Variants in GPCPD1 observed in about 807,000 individuals in gnomAD.
GPCPD1 encodes glycerophosphocholine phosphodiesterase GPCPD1.
Under a neutral mutation model 89.2 loss-of-function variants are expected in GPCPD1, and 29 were observed. The observed-to-expected ratio is 0.33, with a 90% CI of 0.24 to 0.44. GPCPD1 has a LOEUF of 0.44. Ranked by LOEUF, GPCPD1 falls within the 20% of genes least tolerant of loss-of-function variation. The probability of loss-of-function intolerance (pLI) is 1.00; values close to 1 mark genes in which losing one functional copy is unlikely to be tolerated. For missense variants in GPCPD1, 594 were observed against 808.9 expected, an observed-to-expected ratio of 0.73 and a Z score of 3.22; for synonymous variants, 258 against 266.3, an observed-to-expected ratio of 0.97 and a Z score of 0.30.
chr20:5,563,793 T>C (rs1379375213), intron 15 of GPCPD1, among the ~76,000 whole-genome samples: 2 of 152,210 alleles, frequency 1.3e-5, no homozygotes, highest in Non-Finnish European at 2.9e-5. Context: ...ATTTTAATGA[T>C]TTAGATTGTT....
At chr20:5,584,236 T>C (rs767826341) in intron 6 of GPCPD1, 45 bp downstream of exon 6, 1 of 891,622 alleles carries the variant, frequency 1.1e-6, no homozygotes, top group South Asian at 1.4e-5. Context: ...AAAGTAACAA[T>C]CTCAATCATT....
chr20:5,593,666 C>G (rs571328385), intron 3 of GPCPD1, among the ~76,000 whole-genome samples: 1 of 152,086 alleles, frequency 6.6e-6, no homozygotes. Context: ...ATAGACAGAA[C>G]GAAGTTCTGG....
At chr20:5,608,455 G>A (rs1357372325) in intron 1 of GPCPD1, among the ~76,000 whole-genome samples, 1 of 152,030 alleles carries the variant, frequency 6.6e-6, no homozygotes, top group African/African-American at 2.4e-5. Context: ...TGTTCCAAAT[G>A]CAATTCACTT....
Position 5,593,365 on chromosome 20 carries a change from G to T in GPCPD1, c.193C>A (p.Gln65Lys). ...AAGTACCCTTTGAAGTAGCGATACT[G>T]AACTGATACTCCTCTACTGAGTACA... The part of the protein sequence containing the change: ...TIVLSRGVSV[Q>K]YRYFKGYFLE... Residue 65 changes from glutamine to lysine, a missense_variant, in exon 4 of 20, where the codon CAG (glutamine) becomes AAG (lysine). By Grantham distance (53) the Gln-to-Lys change is moderately conservative. Transcript: ENST00000379019. 6.3e-7 allele frequency: 1 copy of T among 1,597,950 alleles called. No homozygotes were observed. The highest frequency in any genetic ancestry group is 1.1e-5 in the South Asian group (1 of 90,680).
At chr20:5,588,590 C>A (rs564093402) in intron 4 of GPCPD1, among the ~76,000 whole-genome samples, 9 of 148,310 alleles carry the variant, frequency 6.1e-5, no homozygotes, top group African/African-American at 2.3e-4. Context: ...TTAGGGAGGC[C>A]AAGGCAGGCA....
intron 14 of GPCPD1, among the ~76,000 whole-genome samples, chr20:5,565,425 G>A (rs1211954827): frequency 6.6e-6 from 1 of 151,694 alleles, no homozygotes; most frequent in Non-Finnish European, 1.5e-5. Flanking sequence ...GTAGAAATGA[G>A]GTCTAGTTGC....
chr20:5,593,993 G>A (rs548774523), intron 3 of GPCPD1, among the ~76,000 whole-genome samples: 7 of 152,342 alleles, frequency 4.6e-5, no homozygotes, highest in African/African-American at 1.7e-4. Flanking sequence ...CCTCAGACAA[G>A]CAGTCAGAAC....
At chr20:5,589,210 A>G (rs1979151818) in intron 4 of GPCPD1, among the ~76,000 whole-genome samples, 1 of 152,206 alleles carries the variant, frequency 6.6e-6, no homozygotes, top group Non-Finnish European at 1.5e-5. Context: ...GTTATAATAT[A>G]GAAAAAAAAG....
chr20:5,569,387 T>C (rs758885761), intron 12 of GPCPD1, among the ~76,000 whole-genome samples: 6 of 152,164 alleles, frequency 3.9e-5, no homozygotes, highest in Non-Finnish European at 7.4e-5. Flanking sequence ...AGAAATCACT[T>C]GGTTACATAG....
intron 5 of GPCPD1, 83 bp from the exon 6 acceptor site, chr20:5,584,405 G>C: frequency 1.5e-6 from 1 of 676,706 alleles, no homozygotes; most frequent in East Asian, 2.6e-5. Context: ...CCACCTTAAA[G>C]ATCGTTTATA....
chr20:5,580,165 A>G (rs905166348), intron 6 of GPCPD1, 34 bp from the exon 7 acceptor site: 1 of 1,215,660 alleles, frequency 8.2e-7, no homozygotes, highest in Non-Finnish European at 1.2e-6. Context: ...AGTAATTATT[A>G]TACATGTTTT....
At chr20:5,606,780 T>C (rs1600815295) in intron 1 of GPCPD1, among the ~76,000 whole-genome samples, 1 of 152,248 alleles carries the variant, frequency 6.6e-6, no homozygotes, top group Non-Finnish European at 1.5e-5. Context: ...AGGCTCTATG[T>C]TAGCTATAAA....
chr20:5,550,053 C>T (rs1252943763), intron 19 of GPCPD1, among the ~76,000 whole-genome samples: 2 of 151,824 alleles, frequency 1.3e-5, no homozygotes, highest in South Asian at 4.2e-4. Context: ...ATTAGCCAGG[C>T]ATGGTGGCGT....
Position 5,554,134 on chromosome 20 carries a change from AATTATT to A in GPCPD1, c.1829+3805_1829+3810del, listed in dbSNP as rs543486729. On this transcript the variant is annotated intron_variant, in intron 19 of 19. Coordinates refer to ENST00000379019, the MANE Select transcript of GPCPD1 (RefSeq NM_019593.5). ...CAGGCGCCCGCCACCACGCCCGGCT[AATTATT>A]ATTATTATTATTATTTTGTATTTTT... is the stretch of plus-strand genomic sequence containing the variant. Among the ~76,000 whole-genome samples, 2 of 132,802 alleles carry A rather than the reference AATTATT, an allele frequency of 1.5e-5. 1 individual carries two copies. The highest frequency in any genetic ancestry group is 6.1e-5 in the African/African-American group (2 of 32,984). 87.1% of individuals were successfully genotyped at this position (132,802 alleles called of 152,430 possible).
rs764246443 is a variant in GPCPD1 at position 5,580,138 on chromosome 20, G to A, written c.350-7C>T. On this transcript the variant is annotated splice_region_variant and splice_polypyrimidine_tract_variant and intron_variant, in intron 6 of 19. Transcript: ENST00000379019. ...TCCAGAGTTTCAACACCATCTGACA[G>A]AATAAATATGAAGAACAGTAATTAT... 4 of 1,385,408 alleles carry A rather than the reference G, an allele frequency of 2.9e-6. No homozygotes were observed. Among genetic ancestry groups the A allele is most frequent in the Non-Finnish European group, 3.0e-6 (3 of 987,188 alleles). The allele number at this position is 1,385,408 out of a possible 1,614,324, so 85.8% of individuals were successfully genotyped here. A position where few individuals can be genotyped will look rare whatever the true frequency, so the allele number is the denominator to read the frequency against.
At chr20:5,560,622 T>C (rs1226007078) in intron 16 of GPCPD1, among the ~76,000 whole-genome samples, 1 of 152,178 alleles carries the variant, frequency 6.6e-6, no homozygotes, top group Non-Finnish European at 1.5e-5. Flanking sequence ...ACTGAAATAA[T>C]TCTAGAAGCT....
chr20:5,604,611 C>CAG (rs1305675298), intron 1 of GPCPD1, among the ~76,000 whole-genome samples, 171 bp from the exon 2 acceptor site: 1 of 6,196 alleles, frequency 1.6e-4, no homozygotes, highest in Non-Finnish European at 4.2e-4. Flanking sequence ...AACTTTAGTG[C>CAG]GGGGGGGGGG....
At position 5,560,068 on chromosome 20, in the gene GPCPD1, C is replaced by A; in HGVS notation, c.1404G>T (p.Met468Ile). The A allele has an allele frequency of 6.4e-7, 1 of 1,563,606 alleles. No individual in the cohort carries two copies. The highest frequency in any genetic ancestry group is 8.6e-7 in the Non-Finnish European group (1 of 1,157,300). Residue 468 changes from methionine to isoleucine, a missense_variant, in exon 17 of 20, where the codon ATG (methionine) becomes ATT (isoleucine). Met to Ile is a conservative substitution (Grantham distance 10, BLOSUM62 1). Transcript: ENST00000379019. ...IKWICQQRDG[M>I]WDGNLSTYFD... ...AATATGTTGATAAGTTACCATCCCACATTCCATCCTAGTGAAAGAGAAAGC... is the reference window on the plus strand; with the variant it reads ...AATATGTTGATAAGTTACCATCCCAAATTCCATCCTAGTGAAAGAGAAAGC...
At chr20:5,596,220 G>T (rs1979713104) in intron 3 of GPCPD1, among the ~76,000 whole-genome samples, 1 of 151,968 alleles carries the variant, frequency 6.6e-6, no homozygotes, top group African/African-American at 2.4e-5. Context: ...TCTCAACACA[G>T]TGAAACCTCA....
Sources: allele counts gnomAD v4.1 joint callset (sites outside exome capture counted in the v4.1 genomes callset), GRCh38; gene constraint gnomAD v4.1.1; transcripts MANE v1.5; gene names NCBI Gene and HGNC (gene_info 2026-07-23, HGNC 2026-07-21).